The following SVIL variants were observed in gnomAD, a reference collection of about 807,000 sequenced individuals.
SVIL encodes supervillin.
SVIL carries 101 observed loss-of-function variants against 240.4 expected under a neutral mutation model. The observed-to-expected ratio is 0.42, with a 90% CI of 0.36 to 0.50. The LOEUF is 0.50. SVIL is among the 20% of genes least tolerant of loss of function. The pLI, the probability that SVIL is intolerant of heterozygous loss-of-function variation, is 0.01. For synonymous variants in SVIL, 999 were observed against 1,100.0 expected (o/e 0.91, Z 1.82); for missense variants, 2,512 against 2,818.7 (o/e 0.89, Z 2.46).
rs990035912 is a variant in SVIL, at chr10:29,735,052, C to G, written c.-400+699G>C. Among the ~76,000 whole-genome samples, 1 of 151,128 alleles carries G rather than the reference C, an allele frequency of 6.6e-6. No homozygotes were observed. The highest frequency in any genetic ancestry group is 2.4e-5 in the African/African-American group (1 of 41,106). Reference sequence around the variant, plus strand: ...GGCCTGGACTGGAGCCTCCCCGCCGCTCACTCACTGTAATGCAATTACCGC... The same window carrying G: ...GGCCTGGACTGGAGCCTCCCCGCCGGTCACTCACTGTAATGCAATTACCGC... On this transcript the variant is annotated intron_variant, in intron 1 of 35. Transcript: ENST00000375400. The surrounding 1 kb of genome is among the most constrained non-coding windows in gnomAD (Gnocchi z 4.1).
At chr10:29,609,092 C>G (rs190231120) in intron 1 of SVIL, among the ~76,000 whole-genome samples, 50 of 152,362 alleles carry the variant, frequency 3.3e-4, no homozygotes, top group African/African-American at 1.2e-3. Context: ...CACTTTGGGT[C>G]TCCTGACAGC....
intron 1 of SVIL, among the ~76,000 whole-genome samples, chr10:29,708,768 G>A (rs1414018347): frequency 1.3e-5 from 2 of 152,118 alleles, no homozygotes; most frequent in Admixed American, 1.3e-4. Flanking sequence ...GGGTGTGGGT[G>A]GAGCTCACTG....
At chr10:29,649,777 T>C (rs1348790748) in intron 3 of SVIL, among the ~76,000 whole-genome samples, 1 of 152,210 alleles carries the variant, frequency 6.6e-6, no homozygotes, top group African/African-American at 2.4e-5. Context: ...ATGGTTTGAA[T>C]GCGTCCCCCA....
intron 28 of SVIL, among the ~76,000 whole-genome samples, chr10:29,481,133 G>GGGGTGTGT (rs573984701): frequency 7.1e-6 from 1 of 141,324 alleles, no homozygotes; most frequent in African/African-American, 2.7e-5. Flanking sequence ...TAGCTTTAAG[G>GGGGTGTGT]GTGTGTGTGT....
chr10:29,618,259 A>G (rs1274004772), intron 1 of SVIL, among the ~76,000 whole-genome samples: 1 of 152,208 alleles, frequency 6.6e-6, no homozygotes, highest in Non-Finnish European at 1.5e-5. Context: ...CTCAACTCGT[A>G]ATTTTTGGGA....
chr10:29,707,459 C>T (rs7907806), intron 1 of SVIL, among the ~76,000 whole-genome samples: 10,769 of 151,966 alleles, frequency 0.071, 512 homozygotes, highest in African/African-American at 0.13. Context: ...TTGGTTTATT[C>T]GAATGCTTGT....
chr10:29,498,374 C>T (rs1360262544), intron 18 of SVIL, among the ~76,000 whole-genome samples: 1 of 151,676 alleles, frequency 6.6e-6, no homozygotes, highest in Non-Finnish European at 1.5e-5. Flanking sequence ...GCCGAGATCA[C>T]ACCATTGCAC....
At chr10:29,581,428 G>C (rs572083128) in intron 1 of SVIL, among the ~76,000 whole-genome samples, 1 of 152,144 alleles carries the variant, frequency 6.6e-6, no homozygotes, top group Admixed American at 6.6e-5. Flanking sequence ...TTGGACAAGC[G>C]TGCAAATAAA....
chr10:29,668,232 C>T (rs989643717), intron 2 of SVIL, among the ~76,000 whole-genome samples: 31 of 151,690 alleles, frequency 2.0e-4, no homozygotes, highest in Admixed American at 1.9e-3. Context: ...CAGAGTGAGA[C>T]CCTGTCTCAA....
At chr10:29,548,703 T>G (rs1487535368) in intron 6 of SVIL, among the ~76,000 whole-genome samples, 2 of 152,244 alleles carry the variant, frequency 1.3e-5, no homozygotes, top group Admixed American at 6.5e-5. Flanking sequence ...GCAGTCATAC[T>G]TCTGTGCTCT....
chr10:29,521,694 A>T (rs1950571822), intron 16 of SVIL, among the ~76,000 whole-genome samples: 1 of 152,156 alleles, frequency 6.6e-6, no homozygotes, highest in Admixed American at 6.5e-5. Flanking sequence ...TGCTTAATTC[A>T]TCTGTGGTTA....
At chr10:29,523,311 G>A (rs1401806403) in intron 15 of SVIL, 140 bp downstream of exon 15, 3 of 732,006 alleles carry the variant, frequency 4.1e-6, no homozygotes, top group African/African-American at 3.6e-5. Context: ...GGAAGAATAG[G>A]ATTCCCGCTG....
chr10:29,501,256 G>A (rs891098889), intron 17 of SVIL, among the ~76,000 whole-genome samples: 1 of 151,260 alleles, frequency 6.6e-6, no homozygotes, highest in Non-Finnish European at 1.5e-5. Flanking sequence ...TAAGATGGAC[G>A]TGGATCAGAT....
chr10:29,729,247 C>T (rs189589701), intron 1 of SVIL, among the ~76,000 whole-genome samples: 49 of 152,232 alleles, frequency 3.2e-4, no homozygotes, highest in Non-Finnish European at 5.7e-4. Flanking sequence ...TCCAACAGTA[C>T]CCCTGTGGAA....
intron 1 of SVIL, among the ~76,000 whole-genome samples, chr10:29,620,141 T>C (rs1957576985): frequency 6.6e-6 from 1 of 152,206 alleles, no homozygotes; most frequent in Non-Finnish European, 1.5e-5. Flanking sequence ...ATACTATGCA[T>C]GTTTTAAAAA....
At chr10:29,631,543 G>T (rs1036245038) in intron 1 of SVIL, among the ~76,000 whole-genome samples, 1 of 151,606 alleles carries the variant, frequency 6.6e-6, no homozygotes, top group African/African-American at 2.4e-5. Flanking sequence ...TTGGGAGGCC[G>T]AGGTGGGCAG....
chr10:29,679,542 T>G (rs1564757112), intron 2 of SVIL, among the ~76,000 whole-genome samples: 1 of 146,426 alleles, frequency 6.8e-6, no homozygotes, highest in Admixed American at 7.1e-5. Flanking sequence ...AGCCACTTTT[T>G]TTTCTTTTTT....
chr10:29,623,016 G>A (rs1029783528), intron 1 of SVIL, among the ~76,000 whole-genome samples: 1 of 152,184 alleles, frequency 6.6e-6, no homozygotes, highest in South Asian at 2.1e-4. Flanking sequence ...GTGTGTGTGC[G>A]AGTGTGTGTG....
At chr10:29,602,841 C>T (rs1956868027) in intron 1 of SVIL, among the ~76,000 whole-genome samples, 1 of 152,138 alleles carries the variant, frequency 6.6e-6, no homozygotes, top group Non-Finnish European at 1.5e-5. Flanking sequence ...CAAAAATCAG[C>T]CAGGCGTGGT....
Sources: allele counts gnomAD v4.1 joint callset (sites outside exome capture counted in the v4.1 genomes callset), GRCh38; gene constraint gnomAD v4.1.1; non-coding constraint Gnocchi (gnomAD v3.1); transcripts MANE v1.5; gene names NCBI Gene and HGNC (gene_info 2026-07-23, HGNC 2026-07-21).